Variants in APBB2 observed in about 807,000 individuals in gnomAD.
APBB2 encodes the protein amyloid beta precursor protein binding family B member 2.
In APBB2, 38 loss-of-function variants were observed where a neutral mutation model predicts 82.5. The observed-to-expected ratio is 0.46, with a 90% confidence interval of 0.36 to 0.60. The LOEUF (loss-of-function observed/expected upper bound fraction) is 0.60, where lower values mean the gene tolerates loss of function less well. Among genes scored for constraint, APBB2 ranks in the 20% least tolerant of loss-of-function variants. The pLI, the probability that APBB2 is intolerant of heterozygous loss-of-function variation, is 0.00. For synonymous variants in APBB2, 341 were observed against 368.2 expected (o/e 0.93, Z 0.85); for missense variants, 772 against 972.3 (o/e 0.79, Z 2.74).
chr4:41,153,258 C>G (rs1279490432), intron 1 of APBB2, among the ~76,000 whole-genome samples: 3 of 152,110 alleles, frequency 2.0e-5, no homozygotes, highest in Non-Finnish European at 2.9e-5. Context: ...GGTCTTAGTT[C>G]TTGTGGTCTC....
intron 4 of APBB2, among the ~76,000 whole-genome samples, chr4:41,042,072 C>A (rs548363340): frequency 1.3e-5 from 2 of 152,224 alleles, no homozygotes; most frequent in East Asian, 3.9e-4. Context: ...CTAACTGCAG[C>A]CTCCGCCTCC....
At chr4:41,063,823 C>A (rs979050107) in intron 4 of APBB2, among the ~76,000 whole-genome samples, 1 of 151,970 alleles carries the variant, frequency 6.6e-6, no homozygotes, top group African/African-American at 2.4e-5. Flanking sequence ...GGACTACAGG[C>A]ACATGCCACC....
At chr4:40,825,225 G>T (rs1749486263) in intron 15 of APBB2, among the ~76,000 whole-genome samples, 1 of 152,198 alleles carries the variant, frequency 6.6e-6, no homozygotes. Context: ...CTTCTCTTGG[G>T]TCTACGCCTA....
At chr4:40,829,072 A>G (rs550128531) in intron 13 of APBB2, among the ~76,000 whole-genome samples, 1 of 152,338 alleles carries the variant, frequency 6.6e-6, no homozygotes, top group African/African-American at 2.4e-5. Flanking sequence ...AATTCAAGAA[A>G]TTAACCAAGT....
chr4:40,830,638 AG>A, intron 12 of APBB2, 61 bp from the exon 13 acceptor site: 1 of 977,908 alleles, frequency 1.0e-6, no homozygotes, highest in South Asian at 1.3e-5. Context: ...CACATACTTT[AG>A]TTATGAAGTT....
intron 7 of APBB2, among the ~76,000 whole-genome samples, chr4:40,939,285 C>T (rs1786217198): frequency 6.6e-6 from 1 of 152,112 alleles, no homozygotes; most frequent in African/African-American, 2.4e-5. Flanking sequence ...ACCTCAACTC[C>T]CTCCCATATC....
rs867975540 is a variant in APBB2, at chr4:40,933,469, G to A, written c.1254+987C>T. 4.6e-5 allele frequency among the ~76,000 whole-genome samples: 7 copies of A among 152,282 alleles called. No homozygotes were observed. The South Asian group carries it at 8.3e-4, about 18-fold the overall frequency. ...GGGACATGCTAGGTGCCTGGACTGC[G>A]GGTAGGCAAGAGGCTCACCCCCACT... On this transcript the variant is annotated intron_variant, in intron 10 of 17. Coordinates refer to ENST00000508593, the MANE Select transcript of APBB2 (RefSeq NM_004307.2).
At chr4:40,950,020 G>A (rs1789649660) in intron 6 of APBB2, among the ~76,000 whole-genome samples, 2 of 152,294 alleles carry the variant, frequency 1.3e-5, no homozygotes, top group Non-Finnish European at 1.5e-5. Context: ...CTCGCCTGGA[G>A]GACTGGAATT....
chr4:40,881,181 T>C, intron 12 of APBB2: 1 of 985,410 alleles, frequency 1.0e-6, no homozygotes, highest in African/African-American at 1.7e-5. Context: ...GGAGCTGCAT[T>C]AAAGAGAAAT....
intron 1 of APBB2, among the ~76,000 whole-genome samples, chr4:41,173,287 G>A (rs1380004780): frequency 6.6e-6 from 1 of 152,140 alleles, no homozygotes; most frequent in Non-Finnish European, 1.5e-5. Flanking sequence ...TAAAAATGGG[G>A]GCCTGAAATA....
intron 17 of APBB2, among the ~76,000 whole-genome samples, chr4:40,817,380 G>C (rs1363575131): frequency 6.6e-6 from 1 of 152,118 alleles, no homozygotes; most frequent in Non-Finnish European, 1.5e-5. Flanking sequence ...CTGCACTCCA[G>C]CCTGGGCGAC....
At chr4:40,916,746 C>A (rs1356049310) in intron 10 of APBB2, among the ~76,000 whole-genome samples, 2 of 152,120 alleles carry the variant, frequency 1.3e-5, no homozygotes, top group Admixed American at 6.5e-5. Context: ...GGTGATCACA[C>A]AAAAACAAGG....
intron 5 of APBB2, among the ~76,000 whole-genome samples, chr4:41,018,726 A>T (rs527236960): frequency 1.3e-5 from 2 of 152,212 alleles, no homozygotes; most frequent in Non-Finnish European, 2.9e-5. Context: ...GATCAGAGAA[A>T]CAGTGGAAAG....
chr4:41,143,025 CAGG>C lies in APBB2; in HGVS notation c.-302_-300del, dbSNP rs1214343285. 6.6e-6 allele frequency: 1 copy of C among 152,228 alleles called. No individual in the cohort carries two copies. The highest frequency in any genetic ancestry group is 1.9e-4 in the East Asian group (1 of 5,194). The allele number at this position is 152,228 out of a possible 1,614,324, so 9.4% of individuals were successfully genotyped here. A position where few individuals can be genotyped will look rare whatever the true frequency, so the allele number is the denominator to read the frequency against. ...AATTATTGTCAGCCTCAGCTTTTCA[CAGG>C]AGCTTTCTTTTATGGATTTTCCATC... is the stretch of plus-strand genomic sequence containing the variant. On this transcript the variant is annotated 5_prime_UTR_variant, in exon 2 of 18. Transcript: ENST00000508593.
intron 1 of APBB2, among the ~76,000 whole-genome samples, chr4:41,175,743 G>C (rs1277980326): frequency 6.6e-6 from 1 of 151,944 alleles, no homozygotes; most frequent in Non-Finnish European, 1.5e-5. Context: ...TGAATGATTT[G>C]GAATAATTCA....
At chr4:40,895,395 C>G (rs894387378) in intron 10 of APBB2, among the ~76,000 whole-genome samples, 1 of 152,224 alleles carries the variant, frequency 6.6e-6, no homozygotes, top group African/African-American at 2.4e-5. Flanking sequence ...GGGAAAGGTT[C>G]TGCACATGTA....
rs1474546934 is a variant in APBB2, at chr4:41,033,283, G to C, written c.-29C>G. On this transcript the variant is annotated 5_prime_UTR_variant, in exon 5 of 18. Coordinates refer to ENST00000508593, the MANE Select transcript of APBB2 (RefSeq NM_004307.2). ...TCACCAGGCGTCAGCAATGGTGCAGGAAATAGGTTATAATTTGAAATCTAA... is the reference window on the plus strand; with the variant it reads ...TCACCAGGCGTCAGCAATGGTGCAGCAAATAGGTTATAATTTGAAATCTAA... The C allele has an allele frequency of 6.3e-7, 1 of 1,591,418 alleles. No individual in the cohort carries two copies. The highest frequency in any genetic ancestry group is 2.2e-5 in the East Asian group (1 of 44,458).
intron 1 of APBB2, among the ~76,000 whole-genome samples, chr4:41,154,303 G>A (rs775638671): frequency 6.6e-6 from 1 of 152,048 alleles, no homozygotes; most frequent in African/African-American, 2.4e-5. Context: ...CATTATACCC[G>A]CTTCTACTAG....
chr4:40,890,189 C>T, intron 12 of APBB2, 175 bp downstream of exon 12: 2 of 750,758 alleles, frequency 2.7e-6, no homozygotes, highest in Non-Finnish European at 4.0e-6. Flanking sequence ...GGAAGGGAAG[C>T]AGTTTGAAGT....
Sources: allele counts gnomAD v4.1 joint callset (sites outside exome capture counted in the v4.1 genomes callset), GRCh38; gene constraint gnomAD v4.1.1; transcripts MANE v1.5; gene names NCBI Gene and HGNC (gene_info 2026-07-23, HGNC 2026-07-21).